Variants in CYREN observed in about 807,000 individuals in gnomAD.
CYREN encodes the protein cell cycle regulator of non-homologous end joining.
Under a neutral mutation model 9.7 loss-of-function variants are expected in CYREN, and 7 were observed. The observed-to-expected ratio is 0.72, with a 90% confidence interval of 0.41 to 1.36. The LOEUF (loss-of-function observed/expected upper bound fraction) is 1.36, where lower values mean the gene tolerates loss of function less well. Among genes scored for constraint, CYREN ranks in the 40% most tolerant of loss-of-function variants. The probability of loss-of-function intolerance (pLI) is 0.01; values close to 1 mark genes in which losing one functional copy is unlikely to be tolerated. For synonymous variants in CYREN, 76 were observed against 77.9 expected, an observed-to-expected ratio of 0.98 and a Z score of 0.13; for missense variants, 215 against 198.1, an observed-to-expected ratio of 1.09 and a Z score of -0.51.
At chr7:135,172,018 T>C (rs568684943), upstream of CYREN, among the ~76,000 whole-genome samples, 3 of 152,212 alleles carry the variant, frequency 2.0e-5, no homozygotes, top group Non-Finnish European at 4.4e-5. Context: ...AGTGGAAGCA[T>C]GGCCTGATCA....
At chr7:135,118,176 G>A (rs1826596662) in intron 2 of CYREN, among the ~76,000 whole-genome samples, 1 of 151,580 alleles carries the variant, frequency 6.6e-6, no homozygotes, top group South Asian at 2.1e-4. Flanking sequence ...TTTTAATTAA[G>A]CTAGCTTGAA....
intron 2 of CYREN, among the ~76,000 whole-genome samples, chr7:135,117,503 T>C (rs1303332967): frequency 6.6e-6 from 1 of 152,246 alleles, no homozygotes; most frequent in African/African-American, 2.4e-5. Flanking sequence ...CAAAGTGTGA[T>C]CTTCTCATTC....
intron 2 of CYREN, among the ~76,000 whole-genome samples, chr7:135,098,723 T>C (rs991861361): frequency 2.0e-5 from 3 of 152,144 alleles, no homozygotes; most frequent in Admixed American, 6.5e-5. Flanking sequence ...TCTCAAAGGC[T>C]GCAGGCAGTT....
intron 2 of CYREN, among the ~76,000 whole-genome samples, chr7:135,122,300 C>T (rs897019176): frequency 3.9e-5 from 6 of 152,148 alleles, no homozygotes; most frequent in South Asian, 2.1e-4. Context: ...CAGGCCTGAC[C>T]CTGACCCATC....
chr7:135,104,635 A>G (rs371397329), intron 2 of CYREN, among the ~76,000 whole-genome samples: 2 of 152,230 alleles, frequency 1.3e-5, no homozygotes, highest in African/African-American at 2.4e-5. Context: ...CTGCTGTGAG[A>G]TGGTATCTCA....
Position 135,170,616 on chromosome 7 carries a change from G to A in CYREN, c.-139+36C>T, listed in dbSNP as rs540927241. ...CTTAGCTTCCAGAGCGGAGCCGGGA[G>A]GCAAATTCCAAGCGGTTGTGGGACC... On this transcript the variant is annotated intron_variant, in intron 1 of 3. Transcript: ENST00000393114. The A allele has an allele frequency of 1.0e-4, 16 of 152,404 alleles. No individual in the cohort carries two copies. In the East Asian group the frequency reaches 2.7e-3, roughly 26 times the overall value. The allele number at this position is 152,404 out of a possible 1,614,324, so 9.4% of individuals were successfully genotyped here.
chr7:135,159,945 G>A (rs972391064), intron 2 of CYREN, among the ~76,000 whole-genome samples: 7 of 152,198 alleles, frequency 4.6e-5, no homozygotes, highest in African/African-American at 1.7e-4. Context: ...GGAAACATAA[G>A]TTGATTCACA....
chr7:135,126,015 T>C (rs1827823994), intron 2 of CYREN, among the ~76,000 whole-genome samples: 1 of 152,182 alleles, frequency 6.6e-6, no homozygotes, highest in Non-Finnish European at 1.5e-5. Flanking sequence ...ACCACCCCTG[T>C]TCAACATAGT....
At chr7:135,161,335 T>TA (rs2117462125), downstream of CYREN, among the ~76,000 whole-genome samples, 1 of 152,352 alleles carries the variant, frequency 6.6e-6, no homozygotes, top group South Asian at 2.1e-4. This position sits in a 1 kb window ranked among gnomAD's most constrained non-coding sequence, Gnocchi z 4.1. Flanking sequence ...AAACGTTTAA[T>TA]AATTTTTTTT....
intron 2 of CYREN, chr7:135,134,849 C>A: frequency 6.5e-7 from 1 of 1,549,106 alleles, no homozygotes; most frequent in Non-Finnish European, 8.7e-7. Flanking sequence ...AGACTAAATC[C>A]GGCTACTTGC....
chr7:135,097,236 T>C (rs1585093830), intron 2 of CYREN, among the ~76,000 whole-genome samples: 1 of 152,136 alleles, frequency 6.6e-6, no homozygotes, highest in Non-Finnish European at 1.5e-5. Flanking sequence ...TTGTAAAAGA[T>C]GTGTTGGCCT....
chr7:135,155,921 G>A (rs1829780952), intron 2 of CYREN, among the ~76,000 whole-genome samples: 1 of 152,186 alleles, frequency 6.6e-6, no homozygotes, highest in Non-Finnish European at 1.5e-5. Flanking sequence ...TGTAGTACCA[G>A]TCTAGTGGTG....
intron 2 of CYREN, among the ~76,000 whole-genome samples, chr7:135,095,305 C>T (rs1344927782): frequency 6.6e-6 from 1 of 152,142 alleles, no homozygotes; most frequent in East Asian, 1.9e-4. Flanking sequence ...CTTACCACCA[C>T]ACCAACATGA....
intron 2 of CYREN, among the ~76,000 whole-genome samples, chr7:135,130,354 G>A (rs1453250748): frequency 6.6e-6 from 1 of 152,136 alleles, no homozygotes; most frequent in Non-Finnish European, 1.5e-5. Context: ...TATTAATGGT[G>A]TATATGCTCC....
At chr7:135,099,064 A>G (rs1195204111) in intron 2 of CYREN, among the ~76,000 whole-genome samples, 2 of 152,198 alleles carry the variant, frequency 1.3e-5, no homozygotes, top group Non-Finnish European at 2.9e-5. Flanking sequence ...TGTAACAGCA[A>G]AGTAAATAAT....
chr7:135,098,928 G>A (rs1231665285), intron 2 of CYREN, among the ~76,000 whole-genome samples: 1 of 152,042 alleles, frequency 6.6e-6, no homozygotes, highest in Non-Finnish European at 1.5e-5. Context: ...GAGCTAAAAT[G>A]TGTATCAGAG....
chr7:135,128,720 A>G, intron 2 of CYREN: 1 of 1,380,156 alleles, frequency 7.2e-7, no homozygotes. Flanking sequence ...ATTCTCAGAA[A>G]AAAAGTGCAG....
In CYREN at chr7:135,128,580, T is replaced by C. The variant is rs951169735; in HGVS notation, n.357-33998A>G. 5 of 770,896 alleles carry C rather than the reference T, an allele frequency of 6.5e-6. No homozygotes were observed. The Admixed American group carries it at 8.6e-5, about 13-fold the overall frequency. The allele number at this position is 770,896 out of a possible 1,614,324, so 47.8% of individuals were successfully genotyped here. ...TTGGATTTGCCATAGAATTTCAAGA[T>C]GTTTGTGAGCGCTATCTGCTCTATG... is the stretch of plus-strand genomic sequence containing the variant. On this transcript the variant is annotated intron_variant and non_coding_transcript_variant, in intron 2 of 2. Coordinates refer to the CYREN transcript ENST00000459937.
At chr7:135,165,155 A>T, downstream of CYREN, 1 of 793,614 alleles carries the variant, frequency 1.3e-6, no homozygotes, top group Non-Finnish European at 2.0e-6. Flanking sequence ...GCCGAGGGGC[A>T]GCAAGGGCAG....
Sources: allele counts gnomAD v4.1 joint callset (sites outside exome capture counted in the v4.1 genomes callset), GRCh38; gene constraint gnomAD v4.1.1; non-coding constraint Gnocchi (gnomAD v3.1); transcripts MANE v1.5; gene names NCBI Gene and HGNC (gene_info 2026-07-23, HGNC 2026-07-21).